CSMD1: variants seen among roughly 807,000 people sequenced by gnomAD.
The protein encoded by CSMD1 is CUB and sushi domain-containing protein 1.
A neutral mutation model predicts 417.5 loss-of-function variants in CSMD1; 213 were observed. The ratio of observed to expected loss-of-function variants is 0.51; its 90% CI spans 0.46 to 0.57. CSMD1 has a LOEUF of 0.57. CSMD1 is among the 20% of genes least tolerant of loss of function. CSMD1 has a pLI of 0.00. For synonymous variants in CSMD1, 2,862 were observed against 1,736.8 expected (o/e 1.65, Z -16.11); for missense variants, 6,923 against 4,529.7 (o/e 1.53, Z -15.17).
intron 49 of CSMD1, among the ~76,000 whole-genome samples, chr8:3,086,811 C>G (rs762557745): frequency 2.4e-4 from 37 of 152,168 alleles, no homozygotes; most frequent in Non-Finnish European, 3.2e-4. Flanking sequence ...TATTTTGAAT[C>G]TTAAATTGGA....
intron 3 of CSMD1, among the ~76,000 whole-genome samples, chr8:4,067,902 C>G (rs1470627804): frequency 9.2e-5 from 14 of 151,998 alleles, no homozygotes; most frequent in Admixed American, 9.2e-4. Context: ...CATGATGAAA[C>G]CCCAACTCTA....
chr8:4,674,513 G>C (rs542298359), intron 1 of CSMD1, among the ~76,000 whole-genome samples: 2 of 152,250 alleles, frequency 1.3e-5, no homozygotes, highest in Admixed American at 6.5e-5. Flanking sequence ...TACGTACTCA[G>C]TAAAATCAGC....
chr8:3,861,558 A>T (rs1438746475), intron 5 of CSMD1, among the ~76,000 whole-genome samples: 2 of 152,138 alleles, frequency 1.3e-5, no homozygotes, highest in Non-Finnish European at 2.9e-5. Flanking sequence ...CCACGTGAGC[A>T]TTACTTGGGA....
chr8:4,442,511 C>T (rs1300088484), intron 2 of CSMD1, among the ~76,000 whole-genome samples: 2 of 152,050 alleles, frequency 1.3e-5, no homozygotes, highest in African/African-American at 4.8e-5. Flanking sequence ...AGATGTTATT[C>T]CTTATGTCTG....
At chr8:4,762,663 G>A (rs1205839918) in intron 1 of CSMD1, among the ~76,000 whole-genome samples, 2 of 152,072 alleles carry the variant, frequency 1.3e-5, no homozygotes, top group Non-Finnish European at 1.5e-5. Flanking sequence ...CTGTAGCTGT[G>A]TGGTTCTCTA....
chr8:4,430,007 G>C (rs1452904496), intron 2 of CSMD1, among the ~76,000 whole-genome samples: 1 of 152,158 alleles, frequency 6.6e-6, no homozygotes, highest in Admixed American at 6.5e-5. Flanking sequence ...CTCCTTAAGT[G>C]CCTTCCCACT....
intron 3 of CSMD1, among the ~76,000 whole-genome samples, chr8:4,297,903 A>G (rs1304617605): frequency 6.6e-6 from 1 of 152,236 alleles, no homozygotes; most frequent in Non-Finnish European, 1.5e-5. Context: ...TTTTAAAAGT[A>G]TATAATCAGA....
chr8:4,065,936 A>C (rs765469511), intron 3 of CSMD1, among the ~76,000 whole-genome samples: 2 of 152,202 alleles, frequency 1.3e-5, no homozygotes, highest in African/African-American at 4.8e-5. Context: ...AGAGTTAGAG[A>C]AAACTGACAA....
chr8:4,100,694 C>T (rs185608041), intron 3 of CSMD1, among the ~76,000 whole-genome samples: 1 of 152,122 alleles, frequency 6.6e-6, no homozygotes, highest in East Asian at 1.9e-4. Context: ...TACTGGGAGA[C>T]TCTTTAATTT....
chr8:3,696,902 G>A (rs998889473), intron 7 of CSMD1, among the ~76,000 whole-genome samples: 1 of 152,104 alleles, frequency 6.6e-6, no homozygotes. Flanking sequence ...ATAGATTTAT[G>A]AAAGAGAACA....
At chr8:4,867,179 A>AC (rs1802466623) in intron 1 of CSMD1, among the ~76,000 whole-genome samples, 1 of 152,074 alleles carries the variant, frequency 6.6e-6, no homozygotes, top group Admixed American at 6.5e-5. Context: ...GACAGCAAAA[A>AC]ACTAAAAAAT....
chr8:3,497,548 G>T (rs1008747976), intron 10 of CSMD1, among the ~76,000 whole-genome samples: 4 of 152,036 alleles, frequency 2.6e-5, no homozygotes, highest in Non-Finnish European at 5.9e-5. Flanking sequence ...GGGATTACAG[G>T]GTCAATATAC....
chr8:4,921,033 AAAGG>A (rs1286649171), intron 1 of CSMD1, among the ~76,000 whole-genome samples: 7 of 149,046 alleles, frequency 4.7e-5, no homozygotes, highest in Admixed American at 1.3e-4. Flanking sequence ...AGGAAGAAAG[AAAGG>A]AAGGAAGAAA....
At chr8:4,463,323 C>T (rs554711061) in intron 2 of CSMD1, among the ~76,000 whole-genome samples, 76 of 152,128 alleles carry the variant, frequency 5.0e-4, no homozygotes, top group Non-Finnish European at 9.1e-4. Flanking sequence ...TTTCACTTCC[C>T]TATGGCTGGT....
chr8:4,194,768 A>G (rs553887466), intron 3 of CSMD1, among the ~76,000 whole-genome samples: 30 of 152,224 alleles, frequency 2.0e-4, no homozygotes, highest in Non-Finnish European at 3.2e-4. Context: ...TTTAACACAT[A>G]TAAAACATTC....
intron 5 of CSMD1, among the ~76,000 whole-genome samples, chr8:3,829,627 T>C (rs2129086942): frequency 6.6e-6 from 1 of 152,292 alleles, no homozygotes; most frequent in East Asian, 1.9e-4. Context: ...GAAAAAGATG[T>C]AGAATGAATT....
intron 1 of CSMD1, among the ~76,000 whole-genome samples, chr8:4,887,940 T>C (rs1470170216): frequency 1.3e-5 from 2 of 152,100 alleles, no homozygotes; most frequent in African/African-American, 2.4e-5. Context: ...GTGAGTCTCA[T>C]GTAGTCAATA....
intron 1 of CSMD1, among the ~76,000 whole-genome samples, chr8:4,908,415 C>T (rs1805440803): frequency 6.6e-6 from 1 of 152,178 alleles, no homozygotes; most frequent in African/African-American, 2.4e-5. Context: ...TTTTGGAAAG[C>T]TCCCAGTATA....
At chr8:3,882,462 C>T (rs1026920384) in intron 5 of CSMD1, among the ~76,000 whole-genome samples, 1 of 152,174 alleles carries the variant, frequency 6.6e-6, no homozygotes, top group Non-Finnish European at 1.5e-5. Flanking sequence ...GGTGGTATTA[C>T]AAATCAGTAG....
Sources: allele counts gnomAD v4.1 joint callset (sites outside exome capture counted in the v4.1 genomes callset), GRCh38; gene constraint gnomAD v4.1.1; transcripts MANE v1.5; gene names NCBI Gene and HGNC (gene_info 2026-07-23, HGNC 2026-07-21).